Variants in MAGI2 observed in about 807,000 individuals in gnomAD.
MAGI2 encodes membrane-associated guanylate kinase, WW and PDZ domain-containing protein 2.
MAGI2 carries 35 observed loss-of-function variants against 133.3 expected under a neutral mutation model. The ratio of observed to expected loss-of-function variants is 0.26; its 90% CI spans 0.20 to 0.35. The LOEUF is 0.35. Among genes scored for constraint, MAGI2 ranks in the 10% least tolerant of loss-of-function variants. MAGI2 has a pLI of 1.00. For synonymous variants in MAGI2, 729 were observed against 710.6 expected, an observed-to-expected ratio of 1.03 and a Z score of -0.41; for missense variants, 1,636 against 1,863.4, an observed-to-expected ratio of 0.88 and a Z score of 2.25.
At chr7:79,401,546 C>A (rs1469947422) in intron 1 of MAGI2, among the ~76,000 whole-genome samples, 1 of 152,104 alleles carries the variant, frequency 6.6e-6, no homozygotes, top group Non-Finnish European at 1.5e-5. Flanking sequence ...TGCCCTCAGT[C>A]TTTTGAAGTT....
chr7:78,603,041 A>G (rs1364130622), intron 3 of MAGI2, among the ~76,000 whole-genome samples: 1 of 152,168 alleles, frequency 6.6e-6, no homozygotes, highest in African/African-American at 2.4e-5. Flanking sequence ...CTTACACAAT[A>G]AAAAAGCAAT....
At chr7:78,237,271 G>C (rs764383358) in intron 10 of MAGI2, among the ~76,000 whole-genome samples, 54 of 152,168 alleles carry the variant, frequency 3.5e-4, no homozygotes, top group Non-Finnish European at 5.0e-4. Context: ...GGTGGGGTTA[G>C]AATGGCACAA....
intron 20 of MAGI2, among the ~76,000 whole-genome samples, chr7:78,121,058 A>C (rs1023783735): frequency 6.7e-6 from 1 of 150,272 alleles, no homozygotes; most frequent in Admixed American, 6.6e-5. Flanking sequence ...CATATGGAAA[A>C]ATTGAGATTG....
chr7:79,348,245 G>A (rs1446212595), intron 1 of MAGI2, among the ~76,000 whole-genome samples: 1 of 151,792 alleles, frequency 6.6e-6, no homozygotes, highest in Admixed American at 6.6e-5. Flanking sequence ...CTGTTTTAAT[G>A]TGCTGCAGAT....
intron 21 of MAGI2, 75 bp downstream of exon 21, chr7:78,078,872 G>T: frequency 6.4e-7 from 1 of 1,571,276 alleles, no homozygotes; most frequent in Non-Finnish European, 8.7e-7. Context: ...AACTGATGTA[G>T]TTTTATAAAT....
intron 21 of MAGI2, among the ~76,000 whole-genome samples, chr7:78,050,895 A>G (rs1483299278): frequency 6.6e-6 from 1 of 152,184 alleles, no homozygotes; most frequent in East Asian, 1.9e-4. Context: ...TCACTAACTC[A>G]GCAGCAACCC....
At chr7:78,643,304 T>C (rs370193202) in intron 2 of MAGI2, among the ~76,000 whole-genome samples, 16 of 152,294 alleles carry the variant, frequency 1.1e-4, no homozygotes, top group African/African-American at 3.6e-4. Flanking sequence ...ATGTCCAAAC[T>C]TGTTGAATTA....
At chr7:79,126,067 G>A (rs1266017223) in intron 1 of MAGI2, among the ~76,000 whole-genome samples, 1 of 152,186 alleles carries the variant, frequency 6.6e-6, no homozygotes, top group East Asian at 1.9e-4. Flanking sequence ...TTCCAACAAA[G>A]GGTTTTAATG....
At chr7:78,082,796 G>T (rs989989601) in intron 20 of MAGI2, among the ~76,000 whole-genome samples, 1 of 152,146 alleles carries the variant, frequency 6.6e-6, no homozygotes, top group Admixed American at 6.5e-5. Context: ...GACTCACGGG[G>T]ACCTGGTTTC....
At chr7:78,619,113 T>C (rs765468830) in intron 3 of MAGI2, 2 of 150,068 alleles carry the variant, frequency 1.3e-5, no homozygotes, top group Non-Finnish European at 3.0e-5. Context: ...GGTCATTCCA[T>C]AGTGCCATGT....
chr7:78,640,369 T>A (rs1584934137), intron 2 of MAGI2, among the ~76,000 whole-genome samples: 1 of 152,200 alleles, frequency 6.6e-6, no homozygotes, highest in South Asian at 2.1e-4. Flanking sequence ...AGAAATGCAA[T>A]TATCATCAGA....
At chr7:78,640,958 T>C (rs1384044914) in intron 2 of MAGI2, among the ~76,000 whole-genome samples, 1 of 152,174 alleles carries the variant, frequency 6.6e-6, no homozygotes, top group Non-Finnish European at 1.5e-5. Flanking sequence ...CAGGTGGAGA[T>C]AATTCAATCA....
At position 79,132,961 on chromosome 7, in the gene MAGI2, G is replaced by T. The variant is rs1207173592; in HGVS notation, c.302-125755C>A. 2.6e-5 allele frequency among the ~76,000 whole-genome samples: 4 copies of T among 152,160 alleles called. No homozygotes were observed. The East Asian group carries it at 5.8e-4, about 22-fold the overall frequency. On this transcript the variant is annotated intron_variant, in intron 1 of 21. Transcript: ENST00000354212. ...ATTTGTATATATTCTTTTGCGAAAT[G>T]TTCATTCATGTCCGTTGTCCACTTT...
intron 1 of MAGI2, among the ~76,000 whole-genome samples, chr7:79,026,812 T>G (rs1809935730): frequency 6.6e-6 from 1 of 150,550 alleles, no homozygotes; most frequent in African/African-American, 2.4e-5. Flanking sequence ...AGGCGGAGGT[T>G]GCAGTAAGCC....
At chr7:79,126,011 G>T (rs1357839044) in intron 1 of MAGI2, among the ~76,000 whole-genome samples, 2 of 152,254 alleles carry the variant, frequency 1.3e-5, no homozygotes, top group Non-Finnish European at 2.9e-5. Flanking sequence ...GTGGCTAATT[G>T]TATAACAGGT....
At chr7:78,070,166 C>T (rs1181028427) in intron 21 of MAGI2, among the ~76,000 whole-genome samples, 37 of 83,792 alleles carry the variant, frequency 4.4e-4, no homozygotes, top group South Asian at 1.2e-3. Flanking sequence ...TATATATACA[C>T]ACACACACAT....
chr7:79,083,532 A>T (rs1307506141), intron 1 of MAGI2, among the ~76,000 whole-genome samples: 1 of 151,732 alleles, frequency 6.6e-6, no homozygotes, highest in African/African-American at 2.4e-5. Flanking sequence ...GATAAATCCC[A>T]CTTGGTCATG....
chr7:78,677,407 A>T (rs1012058588), intron 2 of MAGI2, among the ~76,000 whole-genome samples: 3 of 151,802 alleles, frequency 2.0e-5, no homozygotes, highest in African/African-American at 4.8e-5. Flanking sequence ...ACATATATTA[A>T]AGTATATTTT....
chr7:79,146,053 A>T (rs1359191736), intron 1 of MAGI2, among the ~76,000 whole-genome samples: 1 of 148,544 alleles, frequency 6.7e-6, no homozygotes, highest in African/African-American at 2.5e-5. Context: ...GATGTAAGAG[A>T]TTTTTTTTTT....
Sources: gnomAD v4.1 joint callset for allele counts (sites outside exome capture counted in the v4.1 genomes callset) on GRCh38, gnomAD v4.1.1 for gene constraint, MANE v1.5 for transcripts, NCBI Gene and HGNC (gene_info 2026-07-23, HGNC 2026-07-21) for gene names.